MAFK: variants seen among roughly 807,000 people sequenced by gnomAD.
The protein encoded by MAFK is MAF bZIP transcription factor K.
In MAFK, 1 loss-of-function variant was observed where a neutral mutation model predicts 9.2. The observed-to-expected ratio is 0.11, with a 90% CI of 0.04 to 0.52. The LOEUF is 0.52. Ranked by LOEUF, MAFK falls within the 20% of genes least tolerant of loss-of-function variation. MAFK has a pLI of 0.94. For missense variants in MAFK, 207 were observed against 236.0 expected (o/e 0.88, Z 0.81); for synonymous variants, 110 against 107.4 (o/e 1.02, Z -0.15).
intron 1 of MAFK, chr7:1,538,499 C>A (rs951234696): frequency 1.4e-6 from 1 of 733,432 alleles, no homozygotes; most frequent in Non-Finnish European, 1.7e-6. Context: ...GGCGGGAGGG[C>A]GGCTGGGCCT....
At chr7:1,537,149 A>G (rs903911117) in intron 1 of MAFK, among the ~76,000 whole-genome samples, 13 of 152,196 alleles carry the variant, frequency 8.5e-5, no homozygotes, top group Non-Finnish European at 1.5e-4. Context: ...TTTTTAGTGG[A>G]AAGATCCCCA....
At chr7:1,539,841 G>A in intron 2 of MAFK, 100 bp from the exon 3 acceptor site, 1 of 1,048,192 alleles carries the variant, frequency 9.5e-7, no homozygotes, top group Non-Finnish European at 1.3e-6. Flanking sequence ...TGAGAGCGCA[G>A]GCGTGCAGGG....
intron 2 of MAFK, 23 bp downstream of exon 2, chr7:1,539,251 C>T (rs372664001): frequency 1.0e-5 from 16 of 1,600,316 alleles, no homozygotes; most frequent in Admixed American, 6.8e-5. Flanking sequence ...CCAAGCAGGC[C>T]CCGTCTCAAG....
At chr7:1,537,524 C>G in intron 1 of MAFK, 1 of 985,498 alleles carries the variant, frequency 1.0e-6, no homozygotes, top group Non-Finnish European at 1.2e-6. Context: ...AGCTGGGCCC[C>G]AGCCTCTCCA....
chr7:1,534,802 A>G lies in MAFK; in HGVS notation c.-45+3904A>G. ...CGTCCTCTCATCTGGGAAGAATCAG[A>G]GCCCCAAAGCTGAAATCCCCGTTTC... On this transcript the variant is annotated intron_variant, in intron 1 of 2. Coordinates refer to ENST00000343242, the MANE Select transcript of MAFK (RefSeq NM_002360.4). This position sits in a 1 kb window ranked among gnomAD's most constrained non-coding sequence, Gnocchi z 4.3. 1 of 358,522 alleles carries G rather than the reference A, an allele frequency of 2.8e-6. No homozygotes were observed. The highest frequency in any genetic ancestry group is 2.0e-5 in the South Asian group (1 of 49,502). 22.2% of individuals were successfully genotyped at this position (358,522 alleles called of 1,614,324 possible).
rs770506914 is a variant in MAFK, at chr7:1,539,245, G to A, written c.36+17G>A. The A allele has an allele frequency of 2.5e-6, 4 of 1,606,088 alleles. No individual in the cohort carries two copies. The Admixed American group carries it at 5.1e-5, about 20-fold the overall frequency. On this transcript the variant is annotated intron_variant, in intron 2 of 2. Coordinates refer to ENST00000343242, the MANE Select transcript of MAFK (RefSeq NM_002360.4). ...GCATTAAAGGTAAGGCTGGTTCCAA[G>A]CAGGCCCCGTCTCAAGCACAGGCGT...
chr7:1,535,986 G>T (rs778100638), intron 1 of MAFK, among the ~76,000 whole-genome samples: 8 of 152,226 alleles, frequency 5.3e-5, no homozygotes, highest in Admixed American at 3.9e-4. Context: ...TGATGCCCCC[G>T]CTGAGCCTTG....
rs1279941732 is a variant in MAFK at position 1,534,542 on chromosome 7, G to C, written c.-45+3644G>C. The C allele has an allele frequency of 4.4e-6, 2 of 455,730 alleles. No individual in the cohort carries two copies. Among genetic ancestry groups the C allele is most frequent in the South Asian group, 3.1e-5 (2 of 64,528 alleles). The allele number at this position is 455,730 out of a possible 1,614,324, so 28.2% of individuals were successfully genotyped here. On this transcript the variant is annotated intron_variant, in intron 1 of 2. Coordinates refer to ENST00000343242, the MANE Select transcript of MAFK (RefSeq NM_002360.4). This position sits in a 1 kb window ranked among gnomAD's most constrained non-coding sequence, Gnocchi z 4.3. The stretch of plus-strand genomic sequence containing the variant: ...TCTGAACCCGTGTCTCTCGCACAGA[G>C]CTCCCGTCCTCCGTTCCTGGTCTTC...
chr7:1,534,173 G>A lies in MAFK; in HGVS notation c.-45+3275G>A, dbSNP rs749797452. 113 of 449,572 alleles carry A rather than the reference G, an allele frequency of 2.5e-4. No homozygotes were observed. Among genetic ancestry groups the A allele is most frequent in the Non-Finnish European group, 4.3e-4 (96 of 221,876 alleles). 27.8% of individuals were successfully genotyped at this position (449,572 alleles called of 1,614,324 possible). On this transcript the variant is annotated intron_variant, in intron 1 of 2. Coordinates refer to ENST00000343242, the MANE Select transcript of MAFK (RefSeq NM_002360.4). The surrounding 1 kb of genome is among the most constrained non-coding windows in gnomAD (Gnocchi z 4.3). ...CGGGGTGCCAAGTGGGGTGCCTCCC[G>A]CATGCTTAGTGGGGCTGTGTCCGGG...
At position 1,542,565 on chromosome 7, in the gene MAFK, G is replaced by C. The variant is rs11544235; in HGVS notation, c.*2190G>C. 1 of 152,288 alleles carries C rather than the reference G, an allele frequency of 6.6e-6. No homozygotes were observed. The highest frequency in any genetic ancestry group is 1.5e-5 in the Non-Finnish European group (1 of 68,046). The allele number at this position is 152,288 out of a possible 1,614,324, so 9.4% of individuals were successfully genotyped here. A position where few individuals can be genotyped will look rare whatever the true frequency, so the allele number is the denominator to read the frequency against. On this transcript the variant is annotated 3_prime_UTR_variant, in exon 3 of 3. Coordinates refer to ENST00000343242, the MANE Select transcript of MAFK (RefSeq NM_002360.4). ...GGAGAAGGGACTCCCTGGTCCCCAGGGTGGACGGAGCCGCTGTCACCGCCC... is the reference window on the plus strand; with the variant it reads ...GGAGAAGGGACTCCCTGGTCCCCAGCGTGGACGGAGCCGCTGTCACCGCCC...
Position 1,541,784 on chromosome 7 carries a change from C to T in MAFK, c.*1409C>T, listed in dbSNP as rs1326548302. ...GCACTCCACCTTGGGCTTCCTTTTC[C>T]TGGAGAGCCGCCTTGAGGGTCCCTC... On this transcript the variant is annotated 3_prime_UTR_variant, in exon 3 of 3. Coordinates refer to ENST00000343242, the MANE Select transcript of MAFK (RefSeq NM_002360.4). 1 of 152,302 alleles carries T rather than the reference C, an allele frequency of 6.6e-6. No homozygotes were observed. Among genetic ancestry groups the T allele is most frequent in the African/African-American group, 2.4e-5 (1 of 41,458 alleles). 9.4% of individuals were successfully genotyped at this position (152,302 alleles called of 1,614,324 possible).
rs1784143269 is a variant in MAFK, at chr7:1,540,254, T to C, written c.350T>C (p.Phe117Ser). ...LRSKYEALQTFARTVARGPVA... is the reference protein window; with the variant it reads ...LRSKYEALQTSARTVARGPVA... ...TCCAAGTACGAGGCGCTGCAGACCT[T>C]CGCGCGCACCGTGGCCCGGGGACCT... is the stretch of plus-strand genomic sequence containing the variant. The change falls in exon 3 of 3, where the codon TTC becomes TCC. Residue 117 changes from phenylalanine to serine, a missense_variant. Transcript: ENST00000343242. 1 of 1,609,656 alleles carries C rather than the reference T, an allele frequency of 6.2e-7. No homozygotes were observed. Among genetic ancestry groups the C allele is most frequent in the South Asian group, 1.1e-5 (1 of 90,394 alleles).
chr7:1,540,038 C>T lies in MAFK; in HGVS notation c.134C>T (p.Thr45Ile). Residue 45 changes from threonine to isoleucine, a missense_variant, in exon 3 of 3, where the codon ACC (threonine) becomes ATC (isoleucine). Physicochemically the swap from Thr to Ile is moderately conservative, Grantham distance 89. Transcript: ENST00000343242. The part of the protein sequence containing the change: ...RELNQHLRGL[T>I]KEEVTRLKQR... ...CTGAACCAGCACCTGCGGGGTCTCA[C>T]CAAGGAGGAGGTGACCCGCCTGAAG... 1.3e-6 allele frequency: 2 copies of T among 1,559,554 alleles called. No homozygotes were observed. The highest frequency in any genetic ancestry group is 1.7e-6 in the Non-Finnish European group (2 of 1,151,812).
At chr7:1,531,259 G>GGGGGC (rs902548086) in intron 1 of MAFK, among the ~76,000 whole-genome samples, 69 of 150,718 alleles carry the variant, frequency 4.6e-4, no homozygotes, top group Middle Eastern at 6.9e-3. Flanking sequence ...CACACCTGCG[G>GGGGGC]GGGGCGGGGC....
chr7:1,541,007 CTGTG>C lies in MAFK; in HGVS notation c.*639_*642del, dbSNP rs1013511189. On this transcript the variant is annotated 3_prime_UTR_variant, in exon 3 of 3. Transcript: ENST00000343242. ...GGAGGTCGCCTGCGTGGGGTGGTGTCTGTGTGTGTGCACGCACGCCTGCCATCAA... is the reference window on the plus strand; with the variant it reads ...GGAGGTCGCCTGCGTGGGGTGGTGTCTGTGTGCACGCACGCCTGCCATCAA... 6.5e-6 allele frequency: 1 copy of C among 153,918 alleles called. No individual in the cohort carries two copies. The allele number at this position is 153,918 out of a possible 1,614,324, so 9.5% of individuals were successfully genotyped here. A position where few individuals can be genotyped will look rare whatever the true frequency, so the allele number is the denominator to read the frequency against.
rs1194448780 is a variant in MAFK, at chr7:1,534,341, C to T, written c.-45+3443C>T. ...CACCCACTGGGTACCAGTGCCACAG[C>T]GGCCCCACCTACCCTTGCGGCCCAG... is the stretch of plus-strand genomic sequence containing the variant. On this transcript the variant is annotated intron_variant, in intron 1 of 2. Transcript: ENST00000343242. This position sits in a 1 kb window ranked among gnomAD's most constrained non-coding sequence, Gnocchi z 4.3. 4 of 454,064 alleles carry T rather than the reference C, an allele frequency of 8.8e-6. No homozygotes were observed. The highest frequency in any genetic ancestry group is 2.4e-5 in the Admixed American group (1 of 42,520). The allele number at this position is 454,064 out of a possible 1,614,324, so 28.1% of individuals were successfully genotyped here.
At position 1,540,586 on chromosome 7, in the gene MAFK, A is replaced by G. The variant is rs1024024228; in HGVS notation, c.*211A>G. 3 of 562,872 alleles carry G rather than the reference A, an allele frequency of 5.3e-6. No individual in the cohort carries two copies. In the South Asian group the frequency reaches 6.8e-5, roughly 13 times the overall value. 34.9% of individuals were successfully genotyped at this position (562,872 alleles called of 1,614,324 possible). On this transcript the variant is annotated 3_prime_UTR_variant, in exon 3 of 3. Transcript: ENST00000343242. ...CAGAGCTGCACGCCGGTCCACAGAC[A>G]CACTCACGCCCGCCACCTGCTCCCC...
At chr7:1,535,482 C>G (rs915209124) in intron 1 of MAFK, among the ~76,000 whole-genome samples, 5 of 152,170 alleles carry the variant, frequency 3.3e-5, no homozygotes, top group African/African-American at 1.2e-4. Context: ...TGGTGAGACC[C>G]TGTCTCTACA....
At chr7:1,530,937 G>C (rs1783889053) in intron 1 of MAFK, 39 bp downstream of exon 1, 1 of 146,050 alleles carries the variant, frequency 6.8e-6, no homozygotes, top group Non-Finnish European at 1.5e-5. Flanking sequence ...GGCCGCGGCG[G>C]GGACGGGGAC....
Sources: gnomAD v4.1 joint callset for allele counts (sites outside exome capture counted in the v4.1 genomes callset) on GRCh38, gnomAD v4.1.1 for gene constraint, Gnocchi (gnomAD v3.1) non-coding constraint, MANE v1.5 for transcripts, NCBI Gene and HGNC (gene_info 2026-07-23, HGNC 2026-07-21) for gene names.